TBC1D12: variants seen among roughly 807,000 people sequenced by gnomAD.
TBC1D12 encodes TBC1 domain family member 12.
TBC1D12 carries 56 observed loss-of-function variants against 86.7 expected under a neutral mutation model. That is an observed-to-expected ratio of 0.65 (90% confidence interval 0.52 to 0.81). The LOEUF is 0.81. TBC1D12 is among the 30% of genes least tolerant of loss of function. TBC1D12 has a pLI of 0.00. For synonymous variants in TBC1D12, 421 were observed against 411.7 expected, an observed-to-expected ratio of 1.02 and a Z score of -0.27; for missense variants, 1,023 against 1,038.8, an observed-to-expected ratio of 0.98 and a Z score of 0.21.
chr10:94,526,571 T>C (rs1842294793), intron 11 of TBC1D12, among the ~76,000 whole-genome samples: 1 of 152,234 alleles, frequency 6.6e-6, no homozygotes, highest in South Asian at 2.1e-4. Context: ...GATTTCATTC[T>C]TTTTTGTGGC....
chr10:94,482,205 T>A (rs1398426409), intron 3 of TBC1D12, among the ~76,000 whole-genome samples: 2 of 152,176 alleles, frequency 1.3e-5, no homozygotes, highest in African/African-American at 4.8e-5. Flanking sequence ...TCCTTCTTTG[T>A]GTTCAGAAGT....
chr10:94,473,855 TTAAA>T (rs1328710777), intron 2 of TBC1D12, among the ~76,000 whole-genome samples: 1 of 149,878 alleles, frequency 6.7e-6, no homozygotes, highest in African/African-American at 2.5e-5. Context: ...TTACCATATA[TTAAA>T]TTAATTTATT....
intron 3 of TBC1D12, among the ~76,000 whole-genome samples, chr10:94,485,907 G>T (rs1305484322): frequency 1.3e-5 from 2 of 151,992 alleles, no homozygotes; most frequent in Non-Finnish European, 2.9e-5. Context: ...GCACACAGTT[G>T]CTCATAGCAA....
intron 2 of TBC1D12, among the ~76,000 whole-genome samples, chr10:94,444,665 T>A (rs2134094539): frequency 1.3e-5 from 2 of 152,310 alleles, no homozygotes; most frequent in South Asian, 4.1e-4. Flanking sequence ...TGGATAATTA[T>A]CTTTGCTGAT....
chr10:94,506,663 G>T (rs1237036281), intron 6 of TBC1D12, among the ~76,000 whole-genome samples: 1 of 152,124 alleles, frequency 6.6e-6, no homozygotes, highest in Non-Finnish European at 1.5e-5. Flanking sequence ...AAAAGATAGG[G>T]GTAGAGATTT....
chr10:94,526,928 A>G (rs540843921), intron 11 of TBC1D12, among the ~76,000 whole-genome samples: 49 of 152,240 alleles, frequency 3.2e-4, no homozygotes, highest in Admixed American at 2.3e-3. Flanking sequence ...AGCTATCCTA[A>G]CTGGGGTAAG....
intron 11 of TBC1D12, among the ~76,000 whole-genome samples, chr10:94,528,159 A>G (rs138660837): frequency 4.1e-4 from 62 of 152,170 alleles, no homozygotes; most frequent in Non-Finnish European, 7.1e-4. Flanking sequence ...TCTATAGATT[A>G]TATTGGGTAG....
At chr10:94,453,173 A>G (rs1049447230) in intron 2 of TBC1D12, among the ~76,000 whole-genome samples, 6 of 152,184 alleles carry the variant, frequency 3.9e-5, no homozygotes, top group Non-Finnish European at 2.9e-5. Context: ...TTTGGATAAC[A>G]GTCCTTTGTC....
chr10:94,427,885 A>C (rs972035583), intron 1 of TBC1D12, among the ~76,000 whole-genome samples: 2 of 151,650 alleles, frequency 1.3e-5, no homozygotes, highest in African/African-American at 4.8e-5. Context: ...GACCTCTATC[A>C]GTAAGGCATT....
At chr10:94,421,215 A>C (rs995115288) in intron 1 of TBC1D12, among the ~76,000 whole-genome samples, 1 of 151,986 alleles carries the variant, frequency 6.6e-6, no homozygotes, top group Non-Finnish European at 1.5e-5. Context: ...GGTAACCACT[A>C]TTCTACTCTC....
At chr10:94,441,788 T>A (rs1173140210) in intron 1 of TBC1D12, 108 bp from the exon 2 acceptor site, 2 of 1,082,900 alleles carry the variant, frequency 1.8e-6, no homozygotes, top group South Asian at 3.3e-5. Context: ...ATAGTTTTAT[T>A]TAAAAGTATT....
rs1842512594 is a variant in TBC1D12 at position 94,534,764 on chromosome 10, G to A, written c.*1668G>A. ...TGAATTATTTTTATGTCGAGTTCTT[G>A]AACTGCTAATCAGGTGTGTGTTTCC... On this transcript the variant is annotated 3_prime_UTR_variant, in exon 13 of 13. Coordinates refer to ENST00000225235, the MANE Select transcript of TBC1D12 (RefSeq NM_015188.2). 1 of 152,158 alleles carries A rather than the reference G, an allele frequency of 6.6e-6. No homozygotes were observed. Among genetic ancestry groups the A allele is most frequent in the African/African-American group, 2.4e-5 (1 of 41,438 alleles). The allele number at this position is 152,158 out of a possible 1,614,324, so 9.4% of individuals were successfully genotyped here. A position where few individuals can be genotyped will look rare whatever the true frequency, so the allele number is the denominator to read the frequency against.
chr10:94,427,613 C>A (rs1456032054), intron 1 of TBC1D12, among the ~76,000 whole-genome samples: 2 of 152,054 alleles, frequency 1.3e-5, no homozygotes, highest in Admixed American at 1.3e-4. Flanking sequence ...AGGTGGATCA[C>A]TTAAGGCCAG....
chr10:94,432,781 G>GT (rs57041867), intron 1 of TBC1D12, among the ~76,000 whole-genome samples: 57,847 of 146,500 alleles, frequency 0.39, 11,866 homozygotes, highest in East Asian at 0.73. Context: ...TATTTTGGAG[G>GT]TTTTTTTTTT....
chr10:94,411,543 C>A (rs547374257), intron 1 of TBC1D12, among the ~76,000 whole-genome samples: 2 of 152,198 alleles, frequency 1.3e-5, no homozygotes, highest in Admixed American at 1.3e-4. Flanking sequence ...CATAGCAAGA[C>A]CCCATCTCAT....
At chr10:94,469,078 A>C (rs375157784) in intron 2 of TBC1D12, among the ~76,000 whole-genome samples, 23 of 152,248 alleles carry the variant, frequency 1.5e-4, no homozygotes, top group African/African-American at 5.1e-4. Flanking sequence ...AAAGTTTATA[A>C]ATAAGCCATA....
At chr10:94,456,809 A>C (rs1418899654) in intron 2 of TBC1D12, among the ~76,000 whole-genome samples, 1 of 152,162 alleles carries the variant, frequency 6.6e-6, no homozygotes, top group Non-Finnish European at 1.5e-5. Context: ...TACTCCTTGT[A>C]GTTCTATCCG....
chr10:94,507,810 A>T (rs1172332394), intron 7 of TBC1D12, among the ~76,000 whole-genome samples: 1 of 152,016 alleles, frequency 6.6e-6, no homozygotes, highest in Non-Finnish European at 1.5e-5. Flanking sequence ...ACATGGCGAA[A>T]CCCCATCTCT....
At chr10:94,488,459 TG>T (rs2056201152) in intron 3 of TBC1D12, among the ~76,000 whole-genome samples, 1 of 143,192 alleles carries the variant, frequency 7.0e-6, no homozygotes. Flanking sequence ...GGTGCGATCT[TG>T]GCTCACTGCA....
Sources: allele counts gnomAD v4.1 joint callset (sites outside exome capture counted in the v4.1 genomes callset), GRCh38; gene constraint gnomAD v4.1.1; transcripts MANE v1.5; gene names NCBI Gene and HGNC (gene_info 2026-07-23, HGNC 2026-07-21).